MEI4: variants seen among roughly 807,000 people sequenced by gnomAD.
MEI4 encodes meiosis-specific protein MEI4.
In MEI4, 27 loss-of-function variants were observed where a neutral mutation model predicts 31.4. The observed-to-expected ratio is 0.86, with a 90% CI of 0.63 to 1.19. The LOEUF (loss-of-function observed/expected upper bound fraction) is 1.19. Among genes scored for constraint, MEI4 ranks in the 50% most tolerant of loss-of-function variants. The pLI is 0.00. For missense variants in MEI4, 329 were observed against 398.9 expected, an observed-to-expected ratio of 0.82 and a Z score of 1.49; for synonymous variants, 122 against 145.4, an observed-to-expected ratio of 0.84 and a Z score of 1.16.
chr6:77,908,677 A>AC (rs1491383215), intron 4 of MEI4, among the ~76,000 whole-genome samples: 5 of 152,098 alleles, frequency 3.3e-5, no homozygotes, highest in African/African-American at 1.2e-4. Context: ...AATGGAAAAC[A>AC]AAAAAAGGCA....
intron 3 of MEI4, among the ~76,000 whole-genome samples, chr6:77,780,950 G>T (rs1441126142): frequency 6.6e-6 from 1 of 152,056 alleles, no homozygotes; most frequent in Non-Finnish European, 1.5e-5. Context: ...GCAGTGGTGT[G>T]ATCATAGCTC....
intron 4 of MEI4, among the ~76,000 whole-genome samples, chr6:77,904,681 T>C (rs572135349): frequency 6.6e-6 from 1 of 152,310 alleles, no homozygotes; most frequent in African/African-American, 2.4e-5. Flanking sequence ...ATGATGTATA[T>C]GCACCACATT....
At chr6:77,864,161 A>G (rs1770952257) in intron 4 of MEI4, among the ~76,000 whole-genome samples, 1 of 152,214 alleles carries the variant, frequency 6.6e-6, no homozygotes, top group Admixed American at 6.5e-5. Flanking sequence ...GCTAGGAAGT[A>G]ACTGCATCAA....
At chr6:77,791,424 CG>C (rs1561989979) in intron 3 of MEI4, among the ~76,000 whole-genome samples, 102 of 149,804 alleles carry the variant, frequency 6.8e-4, no homozygotes, top group African/African-American at 2.4e-3. Flanking sequence ...AGTAAACTAT[CG>C]CAAGAACAAA....
intron 4 of MEI4, among the ~76,000 whole-genome samples, chr6:77,922,177 G>A (rs1430934251): frequency 2.0e-5 from 3 of 151,712 alleles, no homozygotes; most frequent in Admixed American, 1.3e-4. Context: ...CTAAAAGAAT[G>A]TTCTTTCATT....
chr6:77,829,236 A>G (rs1770023831), intron 4 of MEI4, among the ~76,000 whole-genome samples, 174 bp downstream of exon 4: 1 of 152,214 alleles, frequency 6.6e-6, no homozygotes. Context: ...ATACTTTCAG[A>G]AAACAGTTTT....
intron 3 of MEI4, among the ~76,000 whole-genome samples, chr6:77,787,134 G>C (rs1007023018): frequency 6.6e-6 from 1 of 151,868 alleles, no homozygotes; most frequent in Non-Finnish European, 1.5e-5. Flanking sequence ...CAGATATGCA[G>C]ACTTTGATCT....
At chr6:77,685,945 T>TGG (rs1312032905) in intron 1 of MEI4, among the ~76,000 whole-genome samples, 1 of 151,922 alleles carries the variant, frequency 6.6e-6, no homozygotes, top group Non-Finnish European at 1.5e-5. Flanking sequence ...AGATTACAGG[T>TGG]GGGGCCTAGT....
intron 3 of MEI4, among the ~76,000 whole-genome samples, chr6:77,824,475 C>A (rs542150596): frequency 6.6e-6 from 1 of 151,970 alleles, no homozygotes; most frequent in African/African-American, 2.4e-5. Context: ...TTCTTATGGT[C>A]TCATGGTTAG....
intron 4 of MEI4, among the ~76,000 whole-genome samples, chr6:77,854,080 G>A (rs1361131508): frequency 6.6e-6 from 1 of 152,006 alleles, no homozygotes; most frequent in East Asian, 1.9e-4. Context: ...TAAGCCATAT[G>A]GTTTTTGAAT....
At chr6:77,728,855 G>T (rs1766896146) in intron 2 of MEI4, among the ~76,000 whole-genome samples, 1 of 152,214 alleles carries the variant, frequency 6.6e-6, no homozygotes, top group Non-Finnish European at 1.5e-5. Context: ...TTTCAATACA[G>T]TGGGAATTCT....
intron 3 of MEI4, among the ~76,000 whole-genome samples, chr6:77,796,614 A>G (rs1769083100): frequency 6.6e-6 from 1 of 152,212 alleles, no homozygotes; most frequent in African/African-American, 2.4e-5. Context: ...CCCATTTATA[A>G]TAGCATCAAA....
At chr6:77,837,433 G>C (rs1342002894) in intron 4 of MEI4, among the ~76,000 whole-genome samples, 1 of 152,100 alleles carries the variant, frequency 6.6e-6, no homozygotes, top group African/African-American at 2.4e-5. Flanking sequence ...TCAACAAATA[G>C]ACTGCATTAT....
chr6:77,650,498 T>A (rs1768280585), upstream of MEI4, among the ~76,000 whole-genome samples: 1 of 152,176 alleles, frequency 6.6e-6, no homozygotes. Flanking sequence ...ACCCCGCCCC[T>A]GGGGATGGCG....
At chr6:77,729,242 C>G (rs1397145865) in intron 2 of MEI4, among the ~76,000 whole-genome samples, 1 of 152,134 alleles carries the variant, frequency 6.6e-6, no homozygotes, top group Non-Finnish European at 1.5e-5. Context: ...CCCATTTATG[C>G]CTAGTGTCCC....
chr6:77,863,933 C>T (rs1451358124), intron 4 of MEI4, among the ~76,000 whole-genome samples: 1 of 152,146 alleles, frequency 6.6e-6, no homozygotes, highest in Non-Finnish European at 1.5e-5. Flanking sequence ...ATTCAACATT[C>T]TTAAAGAAAA....
chr6:77,668,238 A>G (rs934177677), intron 1 of MEI4, among the ~76,000 whole-genome samples: 2 of 152,142 alleles, frequency 1.3e-5, no homozygotes, highest in African/African-American at 2.4e-5. Flanking sequence ...GGAGAGCATG[A>G]AGGTTTGCTT....
intron 2 of MEI4, among the ~76,000 whole-genome samples, chr6:77,734,984 G>C (rs1172493363): frequency 1.3e-5 from 2 of 151,992 alleles, no homozygotes; most frequent in Non-Finnish European, 2.9e-5. Flanking sequence ...CTGGCTTGTA[G>C]GGTTTCTGCC....
intron 3 of MEI4, among the ~76,000 whole-genome samples, chr6:77,821,876 G>A (rs967241028): frequency 4.1e-5 from 6 of 146,194 alleles, no homozygotes; most frequent in Admixed American, 2.1e-4. Flanking sequence ...GATTTGTGCT[G>A]GCACATTAGA....
Sources: gnomAD v4.1 joint callset for allele counts (sites outside exome capture counted in the v4.1 genomes callset) on GRCh38, gnomAD v4.1.1 for gene constraint, MANE v1.5 for transcripts, NCBI Gene and HGNC (gene_info 2026-07-23, HGNC 2026-07-21) for gene names.